The following PARP8 variants were observed in gnomAD, a reference collection of about 807,000 sequenced individuals.
PARP8 encodes the protein poly(ADP-ribose) polymerase family member 8.
Under a neutral mutation model 124.1 loss-of-function variants are expected in PARP8, and 51 were observed. That is an observed-to-expected ratio of 0.41 (90% CI 0.33 to 0.52). PARP8 has a LOEUF of 0.52. Ranked by LOEUF, PARP8 falls within the 20% of genes least tolerant of loss-of-function variation. The pLI is 0.21. For synonymous variants in PARP8, 391 were observed against 361.5 expected, an observed-to-expected ratio of 1.08 and a Z score of -0.93; for missense variants, 860 against 1,018.9, an observed-to-expected ratio of 0.84 and a Z score of 2.12.
At chr5:50,748,180 C>G (rs1758822138) in intron 2 of PARP8, among the ~76,000 whole-genome samples, 2 of 112,750 alleles carry the variant, frequency 1.8e-5, no homozygotes, top group South Asian at 6.7e-4. Context: ...TATCTATTAG[C>G]TTTTTAAGCA....
intron 9 of PARP8, 79 bp from the exon 10 acceptor site, chr5:50,788,444 C>G (rs762939575): frequency 2.3e-6 from 3 of 1,298,362 alleles, no homozygotes; most frequent in South Asian, 2.4e-5. Flanking sequence ...ATATATAATG[C>G]GATTTCAACC....
chr5:50,754,146 T>TATATATATATATATACATATAC (rs1561331500), intron 3 of PARP8, among the ~76,000 whole-genome samples: 26 of 21,394 alleles, frequency 1.2e-3, no homozygotes, highest in African/African-American at 3.1e-3. Flanking sequence ...TATATATATA[T>TATATATATATATATACATATAC]ATATACACAC....
chr5:50,669,185 G>C (rs1250555694), intron 2 of PARP8: 1 of 152,176 alleles, frequency 6.6e-6, no homozygotes, highest in African/African-American at 2.4e-5. Context: ...TGATTTACTA[G>C]TTGAAAATAT....
chr5:50,687,043 T>C (rs1751948136), intron 2 of PARP8, among the ~76,000 whole-genome samples: 5 of 152,194 alleles, frequency 3.3e-5, no homozygotes, highest in Admixed American at 3.3e-4. Flanking sequence ...AGCTTGAATT[T>C]CTCCTCAGAA....
At chr5:50,752,757 T>C (rs1158605344) in intron 3 of PARP8, among the ~76,000 whole-genome samples, 2 of 152,236 alleles carry the variant, frequency 1.3e-5, no homozygotes, top group Non-Finnish European at 2.9e-5. Flanking sequence ...CTCTGCCTAC[T>C]TTTCCTGGAT....
At chr5:50,784,264 G>A (rs1331836505) in intron 9 of PARP8, among the ~76,000 whole-genome samples, 2 of 152,058 alleles carry the variant, frequency 1.3e-5, no homozygotes, top group Non-Finnish European at 2.9e-5. Flanking sequence ...ATCTGTGAGA[G>A]AACAGAAATG....
chr5:50,709,844 A>AGTGTGTGTGTGTGT (rs35238386), intron 2 of PARP8, among the ~76,000 whole-genome samples: 2 of 127,904 alleles, frequency 1.6e-5, no homozygotes, highest in African/African-American at 5.7e-5. Flanking sequence ...TTTGTACAAG[A>AGTGTGTGTGTGTGT]GTGTGTGTGT....
At chr5:50,797,845 G>C (rs1352910458) in intron 14 of PARP8, among the ~76,000 whole-genome samples, 1 of 152,094 alleles carries the variant, frequency 6.6e-6, no homozygotes, top group Admixed American at 6.5e-5. Flanking sequence ...ACTACTTAAA[G>C]TATACAATTC....
At position 50,827,222 on chromosome 5, in the gene PARP8, A is replaced by T. The variant is rs190619167; in HGVS notation, c.1977+419A>T. On this transcript the variant is annotated intron_variant, in intron 19 of 25. Transcript: ENST00000281631. ...AGCCTAGTAAGCTTAAAAAATAATA[A>T]TTTGTAAAAAGCTAATAGACTCTGG... Among the ~76,000 whole-genome samples, 285 of 152,250 alleles carry T rather than the reference A, an allele frequency of 1.9e-3. 1 individual carries two copies. Among genetic ancestry groups the T allele is most frequent in the Middle Eastern group, 3.4e-3 (1 of 294 alleles).
intron 2 of PARP8, among the ~76,000 whole-genome samples, chr5:50,702,445 G>A (rs553973649): frequency 1.3e-4 from 20 of 152,238 alleles, no homozygotes; most frequent in Non-Finnish European, 2.5e-4. Flanking sequence ...AAAGTAGTCT[G>A]AAATGATGAT....
intron 2 of PARP8, among the ~76,000 whole-genome samples, chr5:50,717,603 G>T (rs1369390758): frequency 6.6e-6 from 1 of 151,878 alleles, no homozygotes. Context: ...AGAGAAAAAG[G>T]TTCCAGGACT....
intron 10 of PARP8, among the ~76,000 whole-genome samples, chr5:50,791,854 A>G (rs1240245330): frequency 6.6e-6 from 1 of 152,194 alleles, no homozygotes; most frequent in African/African-American, 2.4e-5. Context: ...AATTCAATTT[A>G]CAACTTAAAA....
intron 3 of PARP8, among the ~76,000 whole-genome samples, chr5:50,757,578 AC>A (rs1178019175): frequency 6.6e-6 from 1 of 152,272 alleles, no homozygotes; most frequent in African/African-American, 2.4e-5. Flanking sequence ...ATTCCTAAAC[AC>A]TAATCAAAAT....
At chr5:50,768,905 A>G (rs1761316548) in intron 7 of PARP8, among the ~76,000 whole-genome samples, 1 of 152,194 alleles carries the variant, frequency 6.6e-6, no homozygotes, top group South Asian at 2.1e-4. Context: ...ACACAGCGTC[A>G]TTTGTGAATT....
intron 7 of PARP8, among the ~76,000 whole-genome samples, chr5:50,775,317 G>C (rs890189586): frequency 1.7e-4 from 26 of 152,350 alleles, no homozygotes; most frequent in Admixed American, 7.2e-4. Context: ...CACTTCGGGA[G>C]GCCGAGGTGG....
At chr5:50,803,121 T>C (rs1238684199) in intron 14 of PARP8, among the ~76,000 whole-genome samples, 2 of 152,156 alleles carry the variant, frequency 1.3e-5, no homozygotes, top group Non-Finnish European at 2.9e-5. Context: ...GGAGGAGGAT[T>C]TGTGCCGTTT....
intron 19 of PARP8, 96 bp from the exon 20 acceptor site, chr5:50,827,848 T>C: frequency 1.2e-6 from 1 of 838,568 alleles, no homozygotes; most frequent in Non-Finnish European, 2.0e-6. Context: ...AGTTTGAAAG[T>C]GGGTAATTCT....
intron 7 of PARP8, among the ~76,000 whole-genome samples, chr5:50,774,370 C>T (rs1398327833): frequency 1.5e-4 from 23 of 152,164 alleles, no homozygotes; most frequent in Admixed American, 2.0e-4. Context: ...CTGTTGGGTA[C>T]ACCTGCAGAA....
intron 2 of PARP8, among the ~76,000 whole-genome samples, chr5:50,701,135 C>T (rs1580006139): frequency 6.6e-6 from 1 of 152,016 alleles, no homozygotes; most frequent in South Asian, 2.1e-4. Context: ...TCTTGGAGTC[C>T]TTAATGAACA....
Sources: allele counts gnomAD v4.1 joint callset (sites outside exome capture counted in the v4.1 genomes callset), GRCh38; gene constraint gnomAD v4.1.1; transcripts MANE v1.5; gene names NCBI Gene and HGNC (gene_info 2026-07-23, HGNC 2026-07-21).